ACSF3: variants seen among roughly 807,000 people sequenced by gnomAD.
ACSF3 encodes acyl-CoA synthetase family member 3.
Under a neutral mutation model 53.2 loss-of-function variants are expected in ACSF3, and 78 were observed. The ratio of observed to expected loss-of-function variants is 1.47; its 90% confidence interval spans 1.22 to 1.77. The LOEUF is 1.77. Among genes scored for constraint, ACSF3 ranks in the 40% most tolerant of loss-of-function variants. The pLI is 0.00. For synonymous variants in ACSF3, 414 were observed against 333.1 expected (o/e 1.24, Z -2.65); for missense variants, 937 against 771.1 (o/e 1.22, Z -2.55).
rs1294709965 is a variant in ACSF3, at chr16:89,155,554, G to C, written c.*1347G>C. The C allele has an allele frequency of 2.2e-6, 1 of 454,030 alleles. No homozygotes were observed. The highest frequency in any genetic ancestry group is 4.4e-6 in the Non-Finnish European group (1 of 226,812). 28.1% of individuals were successfully genotyped at this position (454,030 alleles called of 1,614,324 possible). Reference sequence around the variant, plus strand: ...GCCCCACCCGAACTCCTGCCTCACGGTGTGGCCTTGTGCATCCCCATGGCC... The same window carrying C: ...GCCCCACCCGAACTCCTGCCTCACGCTGTGGCCTTGTGCATCCCCATGGCC... On this transcript the variant is annotated 3_prime_UTR_variant, in exon 11 of 11. Coordinates refer to ENST00000614302, the MANE Select transcript of ACSF3 (RefSeq NM_001243279.3).
At chr16:89,140,402 C>T (rs1290996741) in intron 8 of ACSF3, among the ~76,000 whole-genome samples, 4 of 152,252 alleles carry the variant, frequency 2.6e-5, no homozygotes, top group Non-Finnish European at 5.9e-5. Context: ...GGCTTGGAGG[C>T]TGAGAACTTG....
At chr16:89,124,465 A>T (rs1234028602) in intron 7 of ACSF3, among the ~76,000 whole-genome samples, 1 of 138,184 alleles carries the variant, frequency 7.2e-6, no homozygotes, top group East Asian at 2.1e-4. Context: ...TACTCTGCGC[A>T]TGTGTGATAC....
At chr16:89,124,463 G>A (rs947393566) in intron 7 of ACSF3, among the ~76,000 whole-genome samples, 12 of 143,340 alleles carry the variant, frequency 8.4e-5, no homozygotes, top group Admixed American at 2.1e-4. Context: ...CGTACTCTGC[G>A]CATGTGTGAT....
At chr16:89,124,116 GCGCATGGGTATCACACACATGCAGTGTC>G (rs1907390012) in intron 7 of ACSF3, among the ~76,000 whole-genome samples, 1 of 15,464 alleles carries the variant, frequency 6.5e-5, no homozygotes, top group Non-Finnish European at 1.7e-4. Flanking sequence ...TGCCTAGTGT[GCGCATGGGTATCACACACATGCAGTGTC>G]CACACAAGTA....
intron 5 of ACSF3, chr16:89,113,919 C>T (rs756181232): frequency 6.0e-5 from 20 of 334,756 alleles, no homozygotes; most frequent in South Asian, 2.8e-4. Flanking sequence ...CTGTAGTCCC[C>T]GGATGTGCCT....
At chr16:89,140,352 G>C (rs1336932702) in intron 8 of ACSF3, among the ~76,000 whole-genome samples, 1 of 152,160 alleles carries the variant, frequency 6.6e-6, no homozygotes, top group East Asian at 1.9e-4. Context: ...ACCTGTTCCA[G>C]GCTTGGCCTC....
chr16:89,153,903 C>T (rs1650926827), intron 10 of ACSF3, 187 bp from the exon 11 acceptor site: 2 of 631,946 alleles, frequency 3.2e-6, no homozygotes, highest in African/African-American at 3.6e-5. Context: ...CCTGCAGTCA[C>T]CACCCCTGGG....
intron 10 of ACSF3, chr16:89,152,585 G>A (rs900891667): frequency 2.6e-5 from 4 of 152,204 alleles, no homozygotes; most frequent in African/African-American, 7.2e-5. Flanking sequence ...TCCAGCCTGG[G>A]CGACAGGGCA....
chr16:89,126,062 T>G (rs78122471), intron 7 of ACSF3, among the ~76,000 whole-genome samples: 155 of 152,388 alleles, frequency 1.0e-3, no homozygotes, highest in African/African-American at 3.6e-3. Flanking sequence ...ACGGTCTGTC[T>G]CTCCATTTAC....
Position 89,136,474 on chromosome 16 carries a change from G to C in ACSF3, c.1366+3212G>C, listed in dbSNP as rs940767851. ...AATGAGAGCCTGCAATCAGCTCACA[G>C]CTGCCGCTCCTGCCGGGAGAGCATG... is the stretch of plus-strand genomic sequence containing the variant. On this transcript the variant is annotated intron_variant, in intron 8 of 10. Coordinates refer to ENST00000614302, the MANE Select transcript of ACSF3 (RefSeq NM_001243279.3). 23 of 1,205,714 alleles carry C rather than the reference G, an allele frequency of 1.9e-5. No homozygotes were observed. The African/African-American group carries it at 3.6e-4, about 19-fold the overall frequency. 74.7% of individuals were successfully genotyped at this position (1,205,714 alleles called of 1,614,324 possible).
At position 89,154,167 on chromosome 16, in the gene ACSF3, T is replaced by C. The variant is rs1163742299; in HGVS notation, c.1691T>C (p.Ile564Thr). Reference sequence around the variant, plus strand: ...ATCCCGCGGAACCAGATGGGCAAGATTGACAAGAAGGCGCTCATCAGGCAC... The same window carrying C: ...ATCCCGCGGAACCAGATGGGCAAGACTGACAAGAAGGCGCTCATCAGGCAC... ...EEIPRNQMGKIDKKALIRHFH... is the reference protein window; with the variant it reads ...EEIPRNQMGKTDKKALIRHFH... The change falls in exon 11 of 11, where the codon ATT (isoleucine) becomes ACT (threonine). Residue 564 changes from isoleucine to threonine, a missense_variant. By Grantham distance (89) the Ile-to-Thr change is moderately conservative (BLOSUM62 -1). Coordinates refer to ENST00000614302, the MANE Select transcript of ACSF3 (RefSeq NM_001243279.3). 1 of 1,613,432 alleles carries C rather than the reference T, an allele frequency of 6.2e-7. No individual in the cohort carries two copies. The highest frequency in any genetic ancestry group is 8.5e-7 in the Non-Finnish European group (1 of 1,179,792).
At chr16:89,147,215 G>A (rs1913153393) in intron 10 of ACSF3, among the ~76,000 whole-genome samples, 2 of 116,924 alleles carry the variant, frequency 1.7e-5, no homozygotes, top group Admixed American at 1.6e-4. Context: ...GAGAGAGGAG[G>A]GAGGGTCCAC....
chr16:89,112,645 TTC>T (rs1340140930), intron 5 of ACSF3, among the ~76,000 whole-genome samples: 1 of 152,134 alleles, frequency 6.6e-6, no homozygotes, highest in East Asian at 1.9e-4. Context: ...TCTCTCCGTC[TTC>T]TCTTTCTCTA....
In ACSF3 at chr16:89,140,973, G is replaced by T. The variant is rs992169545; in HGVS notation, c.1367-4294G>T. 6 of 1,021,172 alleles carry T rather than the reference G, an allele frequency of 5.9e-6. No homozygotes were observed. The Admixed American group carries it at 1.1e-4, about 19-fold the overall frequency. The allele number at this position is 1,021,172 out of a possible 1,614,324, so 63.3% of individuals were successfully genotyped here. A position where few individuals can be genotyped will look rare whatever the true frequency, so the allele number is the denominator to read the frequency against. ...GGCCGAGGACATACACAGCCCATTGGCAGCCGACTCCGATTCCAGAATCGA... is the reference window on the plus strand; with the variant it reads ...GGCCGAGGACATACACAGCCCATTGTCAGCCGACTCCGATTCCAGAATCGA... On this transcript the variant is annotated intron_variant, in intron 8 of 10. Transcript: ENST00000614302.
At chr16:89,122,223 T>C (rs1441698875) in intron 7 of ACSF3, among the ~76,000 whole-genome samples, 2 of 142,272 alleles carry the variant, frequency 1.4e-5, no homozygotes, top group Non-Finnish European at 3.1e-5. Context: ...GGCCGCACCT[T>C]GTGTGGAGGG....
At chr16:89,095,498 G>A (rs764551719) in intron 1 of ACSF3, among the ~76,000 whole-genome samples, 5 of 151,076 alleles carry the variant, frequency 3.3e-5, no homozygotes, top group South Asian at 2.1e-4. Context: ...ATGCTGAAAC[G>A]CATCCTGCCC....
intron 10 of ACSF3, 139 bp downstream of exon 10, chr16:89,146,188 A>G (rs1912923721): frequency 1.5e-6 from 1 of 654,648 alleles, no homozygotes; most frequent in African/African-American, 1.8e-5. Context: ...GGGTCCTTAG[A>G]GACCTGAAGG....
At chr16:89,112,549 C>G (rs1160032580) in intron 5 of ACSF3, among the ~76,000 whole-genome samples, 3 of 152,096 alleles carry the variant, frequency 2.0e-5, no homozygotes, top group African/African-American at 7.2e-5. Flanking sequence ...CTCTCTCCAT[C>G]TCTCCATCTA....
intron 8 of ACSF3, among the ~76,000 whole-genome samples, chr16:89,134,912 A>C (rs944061425): frequency 1.3e-5 from 2 of 152,160 alleles, no homozygotes; most frequent in African/African-American, 4.8e-5. Context: ...ACGTATGTCC[A>C]TGGATATTTG....
Sources: gnomAD v4.1 joint callset for allele counts (sites outside exome capture counted in the v4.1 genomes callset) on GRCh38, gnomAD v4.1.1 for gene constraint, MANE v1.5 for transcripts, NCBI Gene and HGNC (gene_info 2026-07-23, HGNC 2026-07-21) for gene names.